The following DAB2IP variants were observed in gnomAD, a reference collection of about 807,000 sequenced individuals.
The protein encoded by DAB2IP is DAB2 interacting protein.
DAB2IP carries 28 observed loss-of-function variants against 107.2 expected under a neutral mutation model. The ratio of observed to expected loss-of-function variants is 0.26; its 90% CI spans 0.19 to 0.36. The LOEUF (loss-of-function observed/expected upper bound fraction) is 0.36, where lower values mean the gene tolerates loss of function less well. Among genes scored for constraint, DAB2IP ranks in the 10% least tolerant of loss-of-function variants. DAB2IP has a pLI of 1.00. For missense variants in DAB2IP, 1,400 were observed against 1,644.7 expected, an observed-to-expected ratio of 0.85 and a Z score of 2.57; for synonymous variants, 755 against 706.4, an observed-to-expected ratio of 1.07 and a Z score of -1.09.
chr9:121,638,045 T>C (rs2119028560), intron 1 of DAB2IP, among the ~76,000 whole-genome samples: 1 of 152,232 alleles, frequency 6.6e-6, no homozygotes, highest in Non-Finnish European at 1.5e-5. Context: ...AATGCCAAGC[T>C]GGGCACTGGG....
At chr9:121,593,167 T>C (rs1330814232) in intron 1 of DAB2IP, among the ~76,000 whole-genome samples, 1 of 152,090 alleles carries the variant, frequency 6.6e-6, no homozygotes, top group Non-Finnish European at 1.5e-5. Context: ...TAGTGCAGCA[T>C]CAAACTGCTG....
chr9:121,759,380 C>CT (rs1217996294), intron 5 of DAB2IP, among the ~76,000 whole-genome samples: 1 of 152,170 alleles, frequency 6.6e-6, no homozygotes, highest in African/African-American at 2.4e-5. Context: ...CTGGTGCCCT[C>CT]TGTGTTCCCA....
At chr9:121,616,892 C>A (rs1831298430) in intron 1 of DAB2IP, among the ~76,000 whole-genome samples, 1 of 152,156 alleles carries the variant, frequency 6.6e-6, no homozygotes, top group Admixed American at 6.5e-5. Flanking sequence ...GGCTCCAGAC[C>A]CTGCTGCCCC....
At chr9:121,725,814 A>C (rs1056044787) in intron 3 of DAB2IP, among the ~76,000 whole-genome samples, 8 of 152,104 alleles carry the variant, frequency 5.3e-5, no homozygotes, top group African/African-American at 1.9e-4. Flanking sequence ...CAAGGAATAG[A>C]GGGGAAGGTA....
chr9:121,715,098 C>G (rs1201693289), intron 3 of DAB2IP, among the ~76,000 whole-genome samples: 2 of 152,184 alleles, frequency 1.3e-5, no homozygotes, highest in African/African-American at 4.8e-5. Context: ...AGGGGCATGC[C>G]CCGTTGCTCC....
chr9:121,758,818 C>T, intron 4 of DAB2IP, 80 bp from the exon 5 acceptor site: 1 of 1,292,736 alleles, frequency 7.7e-7, no homozygotes, highest in Non-Finnish European at 1.1e-6. Context: ...GTCCCCTGAG[C>T]CTCCAAGGTC....
intron 1 of DAB2IP, among the ~76,000 whole-genome samples, chr9:121,611,883 C>A (rs2118976902): frequency 6.6e-6 from 1 of 152,256 alleles, no homozygotes; most frequent in East Asian, 1.9e-4. Context: ...CTGTGCCCAG[C>A]CTAGATTAAA....
chr9:121,766,609 C>T (rs1474155973), exon 9 of DAB2IP: 2 of 1,614,044 alleles, frequency 1.2e-6, no homozygotes, highest in Non-Finnish European at 1.7e-6. Context: ...CCTGCGCTTC[C>T]TCTGCCCAGC....
intron 1 of DAB2IP, among the ~76,000 whole-genome samples, chr9:121,588,921 G>A (rs572324430): frequency 6.6e-6 from 1 of 151,524 alleles, no homozygotes; most frequent in African/African-American, 2.4e-5. Flanking sequence ...CTAGGGGAGT[G>A]AGACCTTTAC....
Position 121,776,273 on chromosome 9 carries a change from C to A in DAB2IP, c.3196C>A (p.Gln1066Lys). 6.3e-7 allele frequency: 1 copy of A among 1,584,590 alleles called. No homozygotes were observed. The highest frequency in any genetic ancestry group is 1.3e-5 in the African/African-American group (1 of 74,660). The change falls in exon 14 of 16, where the codon CAG (glutamine) becomes AAG (lysine). Residue 1066 changes from glutamine to lysine, a missense_variant. Physicochemically the swap from Gln to Lys is moderately conservative, Grantham distance 53 (BLOSUM62 1). Around this residue, in one of 3 missense-constraint regions of DAB2IP, gnomAD observed 600 missense variants for 659.1 expected, o/e 0.91. Transcript: ENST00000408936. This position sits in a 1 kb window ranked among gnomAD's most constrained non-coding sequence, Gnocchi z 5.4. ...GGAGTATGAGACCCTGTTCAAGTGC[C>A]AGGAGGAGACGACGCAGAAGCTGGT...
chr9:121,583,849 A>G (rs1830257797), intron 1 of DAB2IP, among the ~76,000 whole-genome samples: 1 of 152,192 alleles, frequency 6.6e-6, no homozygotes, highest in Admixed American at 6.6e-5. Flanking sequence ...CCTTGAACCC[A>G]GCTTGGACTA....
intron 9 of DAB2IP, among the ~76,000 whole-genome samples, chr9:121,767,950 G>A (rs993902801): frequency 1.3e-5 from 2 of 152,178 alleles, no homozygotes; most frequent in Non-Finnish European, 2.9e-5. Flanking sequence ...ATCTGTATGG[G>A]TAGTGGGGTC....
At chr9:121,621,930 C>T (rs1831482657) in intron 1 of DAB2IP, among the ~76,000 whole-genome samples, 1 of 150,738 alleles carries the variant, frequency 6.6e-6, no homozygotes, top group African/African-American at 2.4e-5. Context: ...GTTGGGATTA[C>T]AGATGTGAGC....
chr9:121,573,296 C>T (rs139569602), intron 1 of DAB2IP, among the ~76,000 whole-genome samples: 1 of 151,978 alleles, frequency 6.6e-6, no homozygotes, highest in Admixed American at 6.6e-5. Context: ...AAGCTGGTCT[C>T]GAACTTCTGA....
chr9:121,735,484 C>T (rs915316080), intron 3 of DAB2IP, among the ~76,000 whole-genome samples: 5 of 152,216 alleles, frequency 3.3e-5, no homozygotes, highest in Admixed American at 1.3e-4. Flanking sequence ...AAAACAGTGG[C>T]GCAGGCTGCA....
Position 121,776,115 on chromosome 9 carries a change from C to T in DAB2IP, c.3121-83C>T. ...GGGGCCTTTCAAGTGGGGCTCCCTC[C>T]TACCCTTCCTCCCACTCGGGCTGAC... On this transcript the variant is annotated intron_variant, in intron 13 of 15. Transcript: ENST00000408936. This position sits in a 1 kb window ranked among gnomAD's most constrained non-coding sequence, Gnocchi z 5.4. The T allele has an allele frequency of 1.3e-6, 2 of 1,494,406 alleles. No individual in the cohort carries two copies. Among genetic ancestry groups the T allele is most frequent in the Non-Finnish European group, 1.8e-6 (2 of 1,109,516 alleles). 92.6% of individuals were successfully genotyped at this position (1,494,406 alleles called of 1,614,324 possible). A position where few individuals can be genotyped will look rare whatever the true frequency, so the allele number is the denominator to read the frequency against.
intron 14 of DAB2IP, among the ~76,000 whole-genome samples, chr9:121,779,585 G>A (rs557305262): frequency 3.0e-4 from 45 of 152,180 alleles, no homozygotes; most frequent in Non-Finnish European, 5.0e-4. Context: ...GTTAGGCTGC[G>A]TCCTGCAGAG....
chr9:121,609,387 A>G (rs777756503), intron 1 of DAB2IP, among the ~76,000 whole-genome samples: 2 of 152,172 alleles, frequency 1.3e-5, no homozygotes, highest in Non-Finnish European at 2.9e-5. Context: ...TGTCTAGTGC[A>G]TCTGACACCC....
chr9:121,568,820 C>T (rs1829866512), intron 1 of DAB2IP, among the ~76,000 whole-genome samples: 1 of 152,238 alleles, frequency 6.6e-6, no homozygotes, highest in African/African-American at 2.4e-5. Flanking sequence ...ACAGTCCCCA[C>T]TTGCTGTCCT....
Sources: allele counts gnomAD v4.1 joint callset (sites outside exome capture counted in the v4.1 genomes callset), GRCh38; gene constraint gnomAD v4.1.1; regional missense constraint gnomAD v4.1.1; non-coding constraint Gnocchi (gnomAD v3.1); transcripts MANE v1.5; gene names NCBI Gene and HGNC (gene_info 2026-07-23, HGNC 2026-07-21).